Variants in TNXB observed in about 807,000 individuals in gnomAD.
TNXB encodes the protein tenascin-X.
A neutral mutation model predicts 340.5 loss-of-function variants in TNXB; 183 were observed. That is an observed-to-expected ratio of 0.54 (90% CI 0.48 to 0.61). The LOEUF is 0.61. Ranked by LOEUF, TNXB falls within the 20% of genes least tolerant of loss-of-function variation. The pLI is 0.00. For synonymous variants in TNXB, 2,121 were observed against 2,314.5 expected (o/e 0.92, Z 2.40); for missense variants, 4,613 against 5,446.4 (o/e 0.85, Z 4.82).
chr6:32,051,600 G>C lies in TNXB; in HGVS notation c.9115+1070C>G, dbSNP rs1777286658. Among the ~76,000 whole-genome samples, 1 of 152,132 alleles carries C rather than the reference G, an allele frequency of 6.6e-6. No individual in the cohort carries two copies. Among genetic ancestry groups the C allele is most frequent in the African/African-American group, 2.4e-5 (1 of 41,420 alleles). Reference sequence around the variant, plus strand: ...TATGTGTAAAACGAAACATTATTCAGCCTGAAAAGGAAGGAAGTTCTGGCC... The same window carrying C: ...TATGTGTAAAACGAAACATTATTCACCCTGAAAAGGAAGGAAGTTCTGGCC... On this transcript the variant is annotated intron_variant, in intron 26 of 43. Transcript: ENST00000644971. The surrounding 1 kb of genome is among the most constrained non-coding windows in gnomAD (Gnocchi z 4.7).
In TNXB at chr6:32,047,894, C is replaced by G. The variant is rs1776996797; in HGVS notation, c.10164G>C (p.Gln3388His). The G allele has an allele frequency of 9.9e-6, 16 of 1,612,680 alleles. No homozygotes were observed. The highest frequency in any genetic ancestry group is 1.3e-5 in the Non-Finnish European group (15 of 1,179,706). ...PEGEFDSFVV[Q>H]YKDKDGRLQV... ...GGAGCCGACCATCCTTATCCTTGTA[C>G]TGGACCACGAAGGAGTCGAATTCGC... is the stretch of plus-strand genomic sequence containing the variant. The change falls in exon 30 of 44, where the codon CAG becomes CAC. Residue 3388 changes from glutamine (Q) to histidine (H), a missense_variant. By Grantham distance (24) the Gln-to-His change is conservative. Around this residue, in one of 7 missense-constraint regions of TNXB, gnomAD observed 4,327 missense variants for 4,859.4 expected, o/e 0.89. Transcript: ENST00000644971. This position sits in a 1 kb window ranked among gnomAD's most constrained non-coding sequence, Gnocchi z 6.2.
chr6:32,049,861 A>G lies in TNXB; in HGVS notation c.9439+137T>C. 1 of 1,398,958 alleles carries G rather than the reference A, an allele frequency of 7.1e-7. No individual in the cohort carries two copies. Among genetic ancestry groups the G allele is most frequent in the South Asian group, 1.3e-5 (1 of 74,258 alleles). The allele number at this position is 1,398,958 out of a possible 1,614,324, so 86.7% of individuals were successfully genotyped here. A position where few individuals can be genotyped will look rare whatever the true frequency, so the allele number is the denominator to read the frequency against. ...GGGGTCAACCACATAGGAAGGCCCA[A>G]GGGGAGTCCCAGCCCCAGCCACAAG... On this transcript the variant is annotated intron_variant, in intron 27 of 43. Coordinates refer to ENST00000644971, the MANE Select transcript of TNXB (RefSeq NM_001365276.2). This position sits in a 1 kb window ranked among gnomAD's most constrained non-coding sequence, Gnocchi z 4.5.
rs1386352401 is a variant in TNXB, at chr6:32,049,948, G to C, written c.9439+50C>G. ...CCCACCAGTCATCACCAAAGAGCAAGAGGTGGCCCTCCCACAGCTCCCACC... is the reference window on the plus strand; with the variant it reads ...CCCACCAGTCATCACCAAAGAGCAACAGGTGGCCCTCCCACAGCTCCCACC... On this transcript the variant is annotated intron_variant, in intron 27 of 43. Transcript: ENST00000644971. This position sits in a 1 kb window ranked among gnomAD's most constrained non-coding sequence, Gnocchi z 4.5. The C allele has an allele frequency of 6.2e-7, 1 of 1,609,946 alleles. No individual in the cohort carries two copies. The highest frequency in any genetic ancestry group is 8.5e-7 in the Non-Finnish European group (1 of 1,176,904).
At chr6:32,101,961 C>T (rs1780742402) in intron 1 of TNXB, among the ~76,000 whole-genome samples, 1 of 152,034 alleles carries the variant, frequency 6.6e-6, no homozygotes. Context: ...TGGCCTCAAG[C>T]AATCCTCCTG....
chr6:32,048,591 C>A lies in TNXB; in HGVS notation c.9817G>T (p.Val3273Leu). ...GAGAGGCCCACTGAGTCCGAGGTCA[C>A]GGCCGCCACCGCCAGCTCCCCCAGG... is the stretch of plus-strand genomic sequence containing the variant. Reference protein sequence around the residue: ...PRLGELAVAAVTSDSVGLSWT... With the variant: ...PRLGELAVAALTSDSVGLSWT... The change falls in exon 29 of 44, where the codon GTG (valine) becomes TTG (leucine). Residue 3273 changes from valine (V) to leucine (L), a missense_variant. Around this residue, in one of 7 missense-constraint regions of TNXB, gnomAD observed 4,327 missense variants for 4,859.4 expected, o/e 0.89. Transcript: ENST00000644971. 7 of 1,533,368 alleles carry A rather than the reference C, an allele frequency of 4.6e-6. No individual in the cohort carries two copies. Among genetic ancestry groups the A allele is most frequent in the Non-Finnish European group, 6.2e-6 (7 of 1,135,594 alleles). 95.0% of individuals were successfully genotyped at this position (1,533,368 alleles called of 1,614,324 possible).
Position 32,096,003 on chromosome 6 carries a change from C to CT in TNXB, c.1849dup (p.Ser617LysfsTer16). On this transcript the variant is annotated frameshift_variant, in exon 3 of 44. Coordinates refer to ENST00000644971, the MANE Select transcript of TNXB (RefSeq NM_001365276.2). LOFTEE classifies it high-confidence loss of function. The stretch of plus-strand genomic sequence containing the variant: ...GCAGTTGGAGGGGCAGGTGCGGATG[C>CT]TGCAGTCCTCACTCACGTAGCCTTC... 6.2e-7 allele frequency: 1 copy of CT among 1,612,976 alleles called. No homozygotes were observed. The highest frequency in any genetic ancestry group is 8.5e-7 in the Non-Finnish European group (1 of 1,179,776).
chr6:32,078,117 AAGAAAG>A (rs1484987241), intron 11 of TNXB, among the ~76,000 whole-genome samples: 2 of 146,716 alleles, frequency 1.4e-5, no homozygotes, highest in African/African-American at 2.5e-5. Context: ...GAAAGAAAGA[AAGAAAG>A]AAAGAAAGAA....
intron 6 of TNXB, 109 bp downstream of exon 6, chr6:32,088,665 ACTGCCACACAC>A: frequency 7.1e-7 from 1 of 1,406,028 alleles, no homozygotes; most frequent in Non-Finnish European, 9.5e-7. Context: ...GTGCCTCGAG[ACTGCCACACAC>A]CTGCCAGAAG....
At position 32,108,305 on chromosome 6, in the gene TNXB, G is replaced by A. The variant is rs371715594; in HGVS notation, c.-9+876C>T. Among the ~76,000 whole-genome samples, 36 of 152,314 alleles carry A rather than the reference G, an allele frequency of 2.4e-4. No homozygotes were observed. Among genetic ancestry groups the A allele is most frequent in the African/African-American group, 7.9e-4 (33 of 41,572 alleles). On this transcript the variant is annotated intron_variant, in intron 1 of 43. Transcript: ENST00000644971. The surrounding 1 kb of genome is among the most constrained non-coding windows in gnomAD (Gnocchi z 4.8). ...ATGCCATTAAATTCTTTCCAGGCGA[G>A]ATAAGGGGCCCGCCCTTCCCACCCG... is the stretch of plus-strand genomic sequence containing the variant.
In TNXB at chr6:32,060,091, T is replaced by C. The variant is rs369627629; in HGVS notation, c.7492+1306A>G. 2.0e-4 allele frequency among the ~76,000 whole-genome samples: 30 copies of C among 151,982 alleles called. No homozygotes were observed. In the South Asian group the frequency reaches 4.8e-3, roughly 24 times the overall value. The stretch of plus-strand genomic sequence containing the variant: ...GGCTCATGCCTGTAATCCCAGCACT[T>C]TGGGAGGCCGAGGCGGGCAGATCAC... On this transcript the variant is annotated intron_variant, in intron 21 of 43. Transcript: ENST00000644971.
In TNXB at chr6:32,084,444, C is replaced by A; in HGVS notation, c.3414G>T (p.Arg1138Ser). Residue 1138 changes from arginine to serine, a missense_variant, in exon 8 of 44, where the codon AGG becomes AGT. Arg to Ser is a moderately radical substitution (Grantham distance 110). Around this residue, in one of 7 missense-constraint regions of TNXB, gnomAD observed 4,327 missense variants for 4,859.4 expected, o/e 0.89. Coordinates refer to ENST00000644971, the MANE Select transcript of TNXB (RefSeq NM_001365276.2). The surrounding 1 kb of genome is among the most constrained non-coding windows in gnomAD (Gnocchi z 5.5). ...FVLYGFVGKK[R>S]HGPLVAEAKI... ...TGGCTTCAGCCACCAGCGGACCATG[C>A]CTCTTCTTGCCAACAAACCCATACA... 6.3e-7 allele frequency: 1 copy of A among 1,596,806 alleles called. No individual in the cohort carries two copies. Among genetic ancestry groups the A allele is most frequent in the Non-Finnish European group, 8.5e-7 (1 of 1,169,932 alleles).
Position 32,058,085 on chromosome 6 carries a change from C to T in TNXB, c.7798G>A (p.Gly2600Ser), listed in dbSNP as rs1420162644. The T allele has an allele frequency of 6.2e-7, 1 of 1,611,300 alleles. No individual in the cohort carries two copies. Residue 2600 changes from glycine (G) to serine (S), a missense_variant, in exon 22 of 44, where the codon GGC becomes AGC. By Grantham distance (56) the Gly-to-Ser change is moderately conservative. Around this residue, in one of 7 missense-constraint regions of TNXB, gnomAD observed 4,327 missense variants for 4,859.4 expected, o/e 0.89. Transcript: ENST00000644971. The surrounding 1 kb of genome is among the most constrained non-coding windows in gnomAD (Gnocchi z 5.1). ...LYGLHEGRRLGPVSAVGVTED... is the reference protein window; with the variant it reads ...LYGLHEGRRLSPVSAVGVTED... ...GTGACGCCCACGGCAGACACCGGGC[C>T]CAGGCGCCGCCCCTCGTGGAGGCCG... is the stretch of plus-strand genomic sequence containing the variant.
rs537074179 is a variant in TNXB at position 32,047,439 on chromosome 6, G to A, written c.10324+295C>T. Among the ~76,000 whole-genome samples the A allele has an allele frequency of 1.4e-4, 21 of 152,328 alleles. No homozygotes were observed. The highest frequency in any genetic ancestry group is 2.6e-4 in the Non-Finnish European group (18 of 68,030). On this transcript the variant is annotated intron_variant, in intron 30 of 43. Transcript: ENST00000644971. This position sits in a 1 kb window ranked among gnomAD's most constrained non-coding sequence, Gnocchi z 6.2. ...ATGCAGGTGAGGACACTGAGGTCCC[G>A]GGGATGAAGCGGCTTGTCCATGGTC...
chr6:32,058,898 A>G lies in TNXB; in HGVS notation c.7493-508T>C, dbSNP rs1212146912. Among the ~76,000 whole-genome samples the G allele has an allele frequency of 6.6e-6, 1 of 151,920 alleles. No individual in the cohort carries two copies. Among genetic ancestry groups the G allele is most frequent in the Non-Finnish European group, 1.5e-5 (1 of 68,032 alleles). On this transcript the variant is annotated intron_variant, in intron 21 of 43. Coordinates refer to ENST00000644971, the MANE Select transcript of TNXB (RefSeq NM_001365276.2). The surrounding 1 kb of genome is among the most constrained non-coding windows in gnomAD (Gnocchi z 5.1). Reference sequence around the variant, plus strand: ...TGTAGCCGTGAGGTGAATGATTACAATGTACTTGTGTACAAAAAAGGAAGT... The same window carrying G: ...TGTAGCCGTGAGGTGAATGATTACAGTGTACTTGTGTACAAAAAAGGAAGT...
Position 32,069,071 on chromosome 6 carries a change from C to G in TNXB, c.5653G>C (p.Gly1885Arg). 1.9e-6 allele frequency: 3 copies of G among 1,612,700 alleles called. No homozygotes were observed. Among genetic ancestry groups the G allele is most frequent in the Non-Finnish European group, 2.5e-6 (3 of 1,179,834 alleles). Reference protein sequence around the residue: ...PTPPAPEPHLGELTVEEATSH... With the variant: ...PTPPAPEPHLRELTVEEATSH... ...GTGGCCTCCTCCACTGTCAACTCCC[C>G]GAGGTGGGGCTCAGGCGCTGGAGGG... Residue 1885 changes from glycine (G) to arginine (R), a missense_variant, in exon 16 of 44, where the codon GGG becomes CGG. Gly to Arg is a moderately radical substitution (Grantham distance 125, BLOSUM62 -2). Coordinates refer to ENST00000644971, the MANE Select transcript of TNXB (RefSeq NM_001365276.2). The surrounding 1 kb of genome is among the most constrained non-coding windows in gnomAD (Gnocchi z 6.2).
At chr6:32,106,489 G>GAC (rs981129612) in intron 1 of TNXB, among the ~76,000 whole-genome samples, 2 of 151,928 alleles carry the variant, frequency 1.3e-5, no homozygotes, top group Admixed American at 1.3e-4. Context: ...AGGTGACTGT[G>GAC]ACACACACAC....
Position 32,061,367 on chromosome 6 carries a change from G to A in TNXB, c.7492+30C>T. 6.2e-7 allele frequency: 1 copy of A among 1,602,662 alleles called. No homozygotes were observed. Among genetic ancestry groups the A allele is most frequent in the Non-Finnish European group, 8.5e-7 (1 of 1,173,256 alleles). On this transcript the variant is annotated intron_variant, in intron 21 of 43. Transcript: ENST00000644971. This position sits in a 1 kb window ranked among gnomAD's most constrained non-coding sequence, Gnocchi z 4.4. ...AACCAGGTACCCATGAGGGAAAGGT[G>A]GTTACCCCGAGACTCCAAGCACTAC...
rs1779060256 is a variant in TNXB, at chr6:32,075,964, G to A, written c.4376-2012C>T. Among the ~76,000 whole-genome samples, 1 of 152,196 alleles carries A rather than the reference G, an allele frequency of 6.6e-6. No individual in the cohort carries two copies. Among genetic ancestry groups the A allele is most frequent in the Admixed American group, 6.5e-5 (1 of 15,282 alleles). On this transcript the variant is annotated intron_variant, in intron 11 of 43. Coordinates refer to ENST00000644971, the MANE Select transcript of TNXB (RefSeq NM_001365276.2). This position sits in a 1 kb window ranked among gnomAD's most constrained non-coding sequence, Gnocchi z 4.6. Reference sequence around the variant, plus strand: ...AAAACAGGCTGGTGACCAGGCCTCGGGCAGACAGAAATGAGTCAGGCTGGG... The same window carrying A: ...AAAACAGGCTGGTGACCAGGCCTCGAGCAGACAGAAATGAGTCAGGCTGGG...
rs2127287814 is a variant in TNXB at position 32,095,975 on chromosome 6, G to A, written c.1878C>T (p.His626=). 3 of 1,612,976 alleles carry A rather than the reference G, an allele frequency of 1.9e-6. No individual in the cohort carries two copies. The highest frequency in any genetic ancestry group is 2.5e-6 in the Non-Finnish European group (3 of 1,179,720). ...CSIRTCPSNC[H]GRGRCEEGRC... is the part of the protein sequence containing the mutation. ...GCCCTTCCTCACAGCGGCCCCTCCCGTGGCAGTTGGAGGGGCAGGTGCGGA... is the reference window on the plus strand; with the variant it reads ...GCCCTTCCTCACAGCGGCCCCTCCCATGGCAGTTGGAGGGGCAGGTGCGGA... Residue 626 remains histidine (H), a synonymous_variant, in exon 3 of 44, where the codon CAC becomes CAT. Transcript: ENST00000644971.
Sources: gnomAD v4.1 joint callset for allele counts (sites outside exome capture counted in the v4.1 genomes callset) on GRCh38, gnomAD v4.1.1 for gene constraint, gnomAD v4.1.1 regional missense constraint, Gnocchi (gnomAD v3.1) non-coding constraint, MANE v1.5 for transcripts, NCBI Gene and HGNC (gene_info 2026-07-23, HGNC 2026-07-21) for gene names.